JAKMIP3: variants seen among roughly 807,000 people sequenced by gnomAD.
JAKMIP3 encodes the protein Janus kinase and microtubule interacting protein 3.
Under a neutral mutation model 118.5 loss-of-function variants are expected in JAKMIP3, and 58 were observed. The ratio of observed to expected loss-of-function variants is 0.49; its 90% CI spans 0.40 to 0.61. JAKMIP3 has a LOEUF of 0.61. Among genes scored for constraint, JAKMIP3 ranks in the 20% least tolerant of loss-of-function variants. The pLI, the probability that JAKMIP3 is intolerant of heterozygous loss-of-function variation, is 0.00. For synonymous variants in JAKMIP3, 486 were observed against 451.2 expected (o/e 1.08, Z -0.98); for missense variants, 950 against 1,109.0 (o/e 0.86, Z 2.04).
chr10:132,157,300 C>CT (rs1412003398), intron 19 of JAKMIP3, among the ~76,000 whole-genome samples: 1 of 152,094 alleles, frequency 6.6e-6, no homozygotes, highest in African/African-American at 2.4e-5. Context: ...GCATGCTTCC[C>CT]TTTCACCTGA....
chr10:132,164,284 G>C (rs1253034263), intron 20 of JAKMIP3, among the ~76,000 whole-genome samples: 1 of 152,222 alleles, frequency 6.6e-6, no homozygotes, highest in African/African-American at 2.4e-5. Context: ...CCAGGCGCCA[G>C]CATCCCCCTC....
intron 22 of JAKMIP3, 96 bp from the exon 23 acceptor site, chr10:132,167,857 C>CCTCTCAG (rs796856206): frequency 1.2e-5 from 9 of 731,910 alleles, no homozygotes; most frequent in Non-Finnish European, 1.8e-5. Flanking sequence ...TCGCCCCTCA[C>CCTCTCAG]CCCTCGGCCC....
intron 21 of JAKMIP3, among the ~76,000 whole-genome samples, chr10:132,166,115 G>C (rs1398438399): frequency 6.6e-6 from 1 of 152,188 alleles, no homozygotes; most frequent in African/African-American, 2.4e-5. Context: ...CTTGAGCCCA[G>C]GATTTCAAGA....
intron 1 of JAKMIP3, among the ~76,000 whole-genome samples, chr10:132,090,751 T>C (rs2042991177): frequency 6.6e-6 from 1 of 152,238 alleles, no homozygotes; most frequent in African/African-American, 2.4e-5. Context: ...TGATAGCTTT[T>C]GAATGTGTTT....
intron 19 of JAKMIP3, among the ~76,000 whole-genome samples, chr10:132,160,170 T>TCCTGTGTGATGCTGGGGGGGCCTCTC (rs2057933747): frequency 2.5e-5 from 1 of 40,802 alleles, no homozygotes; most frequent in Non-Finnish European, 5.1e-5. Context: ...GGGGGTCTCT[T>TCCTGTGTGATGCTGGGGGGGCCTCTC]CCTGTGTGAT....
rs200001447 is a variant in JAKMIP3 at position 132,135,937 on chromosome 10, G to A, written c.977G>A (p.Arg326His). The change falls in exon 6 of 24, where the codon CGC becomes CAC. Residue 326 changes from arginine (R) to histidine (H), a missense_variant. Arg to His is a conservative substitution (Grantham distance 29). Transcript: ENST00000684848. ...TAGTGCGTTGTCTTTCAGTTGAAGC[G>A]CGTAAGAGAAGCTGAGAGTCAGTAC... ...LSEERNELLK[R>H]VREAESQYKP... 185 of 1,612,024 alleles carry A rather than the reference G, an allele frequency of 1.1e-4. No individual in the cohort carries two copies. The highest frequency in any genetic ancestry group is 2.0e-4 in the East Asian group (9 of 44,880).
intron 2 of JAKMIP3, among the ~76,000 whole-genome samples, chr10:132,108,973 A>T (rs147576364): frequency 2.8e-5 from 4 of 143,650 alleles, no homozygotes; most frequent in African/African-American, 8.5e-5. Flanking sequence ...TATATAAATT[A>T]TATACGCAAA....
chr10:132,181,862 C>T (rs991037572), intron 23 of JAKMIP3, among the ~76,000 whole-genome samples: 5 of 152,224 alleles, frequency 3.3e-5, no homozygotes, highest in African/African-American at 1.2e-4. Flanking sequence ...TCCCGCCCCT[C>T]AGCCCACGTG....
chr10:132,068,034 CTGTGGGCTTCCGTG>C, intron 1 of JAKMIP3, among the ~76,000 whole-genome samples: 1 of 147,276 alleles, frequency 6.8e-6, no homozygotes, highest in Non-Finnish European at 1.5e-5. Context: ...TCCGTGTGGA[CTGTGGGCTTCCGTG>C]TGGACTGTGG....
intron 21 of JAKMIP3, among the ~76,000 whole-genome samples, chr10:132,165,928 G>C (rs560867223): frequency 9.2e-5 from 14 of 152,250 alleles, no homozygotes; most frequent in Non-Finnish European, 4.4e-5. Context: ...GGGACACAGT[G>C]TTCTGGGGGC....
intron 1 of JAKMIP3, among the ~76,000 whole-genome samples, chr10:132,094,041 A>T (rs1037381697): frequency 1.3e-5 from 2 of 149,562 alleles, no homozygotes; most frequent in Admixed American, 6.7e-5. Context: ...AGGTTCAAGC[A>T]ATTCTCTTGC....
At chr10:132,180,882 C>T (rs2061353091) in intron 23 of JAKMIP3, among the ~76,000 whole-genome samples, 2 of 151,686 alleles carry the variant, frequency 1.3e-5, no homozygotes, top group African/African-American at 2.4e-5. Flanking sequence ...TGGGCATGTG[C>T]ATGTATGTGT....
intron 2 of JAKMIP3, among the ~76,000 whole-genome samples, chr10:132,106,780 A>G (rs2045977687): frequency 1.3e-5 from 2 of 152,216 alleles, no homozygotes; most frequent in South Asian, 2.1e-4. Flanking sequence ...AGCCTCAGAC[A>G]TGGCTGTCGT....
At chr10:132,078,881 C>T (rs1052946169) in intron 1 of JAKMIP3, among the ~76,000 whole-genome samples, 3 of 152,200 alleles carry the variant, frequency 2.0e-5, no homozygotes, top group Admixed American at 6.5e-5. Context: ...CCTAGGGGGC[C>T]GGATGATTGG....
rs143345997 is a variant in JAKMIP3 at position 132,146,287 on chromosome 10, G to C, written c.1749+707G>C. 7.2e-5 allele frequency among the ~76,000 whole-genome samples: 11 copies of C among 152,108 alleles called. No homozygotes were observed. The East Asian group carries it at 2.1e-3, about 29-fold the overall frequency. The stretch of plus-strand genomic sequence containing the variant: ...AGGGAAGGGAGTGCAGGTTTCTCTC[G>C]GCACCTCCCACCACATCAGGCCCAC... On this transcript the variant is annotated intron_variant, in intron 13 of 23. Transcript: ENST00000684848.
Position 132,133,398 on chromosome 10 carries a change from G to C in JAKMIP3, c.720G>C (p.Gln240His). 2 of 1,600,996 alleles carry C rather than the reference G, an allele frequency of 1.2e-6. No individual in the cohort carries two copies. Among genetic ancestry groups the C allele is most frequent in the Non-Finnish European group, 1.7e-6 (2 of 1,173,888 alleles). ...AAGCCGGGCATGCTCAGAGACTGCA[G>C]CTCCAAAAAGAGGCTCTAGATGAGC... Reference protein sequence around the residue: ...GVQAGHAQRLQLQKEALDEQL... With the variant: ...GVQAGHAQRLHLQKEALDEQL... The change falls in exon 4 of 24, where the codon CAG becomes CAC. Residue 240 changes from glutamine (Q) to histidine (H), a missense_variant. By Grantham distance (24) the Gln-to-His change is conservative. Transcript: ENST00000684848.
Position 132,173,777 on chromosome 10 carries a change from CTG to C in JAKMIP3, c.*1103+4747_*1103+4748del, listed in dbSNP as rs1007053873. ...GTGTCTCTGGTGGTCTGTGGTGTGTCTGTGATGTGTTAGTGGTGGTGTGTGGT... is the reference window on the plus strand; with the variant it reads ...GTGTCTCTGGTGGTCTGTGGTGTGTCTGATGTGTTAGTGGTGGTGTGTGGT... On this transcript the variant is annotated intron_variant, in intron 23 of 23. Transcript: ENST00000684848. Among the ~76,000 whole-genome samples, 9 of 71,412 alleles carry C rather than the reference CTG, an allele frequency of 1.3e-4. No homozygotes were observed. In the South Asian group the frequency reaches 5.9e-3, roughly 46 times the overall value. The allele number at this position is 71,412 out of a possible 152,430, so 46.8% of individuals were successfully genotyped here.
Position 132,049,234 on chromosome 10 carries a change from T to C in JAKMIP3, c.-138+12496T>C, listed in dbSNP as rs963668115. Among the ~76,000 whole-genome samples, 7 of 152,194 alleles carry C rather than the reference T, an allele frequency of 4.6e-5. 1 individual carries two copies. Among genetic ancestry groups the C allele is most frequent in the Middle Eastern group, 6.3e-3 (2 of 316 alleles). ...CCGTGGATTCGGGTCTGTTTCTATG[T>C]AGGGACGGTCTTCCGGGAGCACAGC... On this transcript the variant is annotated intron_variant, in intron 1 of 23. Transcript: ENST00000657785. The surrounding 1 kb of genome is among the most constrained non-coding windows in gnomAD (Gnocchi z 4.3).
chr10:132,105,281 A>C (rs1473249026), intron 2 of JAKMIP3, among the ~76,000 whole-genome samples: 1 of 152,212 alleles, frequency 6.6e-6, no homozygotes, highest in Admixed American at 6.5e-5. Flanking sequence ...TGACTTTCCC[A>C]CTGCAGTGTC....
Sources: gnomAD v4.1 joint callset for allele counts (sites outside exome capture counted in the v4.1 genomes callset) on GRCh38, gnomAD v4.1.1 for gene constraint, Gnocchi (gnomAD v3.1) non-coding constraint, MANE v1.5 for transcripts, NCBI Gene and HGNC (gene_info 2026-07-23, HGNC 2026-07-21) for gene names.